Variants in IL1RL1 observed in about 807,000 individuals in gnomAD.
IL1RL1 encodes the protein interleukin 1 receptor like 1.
IL1RL1 carries 32 observed loss-of-function variants against 50.9 expected under a neutral mutation model. That is an observed-to-expected ratio of 0.63 (90% CI 0.47 to 0.84). The LOEUF is 0.84. Among genes scored for constraint, IL1RL1 ranks in the 40% least tolerant of loss-of-function variants. IL1RL1 has a pLI of 0.00. For synonymous variants in IL1RL1, 275 were observed against 236.0 expected (o/e 1.17, Z -1.51); for missense variants, 773 against 662.9 (o/e 1.17, Z -1.82).
intron 8 of IL1RL1, chr2:102,345,048 A>G (rs1223614856): frequency 1.1e-6 from 1 of 944,478 alleles, no homozygotes; most frequent in East Asian, 1.2e-4. Context: ...ACAAATAGCC[A>G]AAGCAGGGTG....
At chr2:102,352,289 C>A (rs746105135), downstream of IL1RL1, among the ~76,000 whole-genome samples, 1 of 147,980 alleles carries the variant, frequency 6.8e-6, no homozygotes, top group Non-Finnish European at 1.5e-5. Flanking sequence ...AGTAGATTTT[C>A]ACGTCACTTG....
At chr2:102,327,139 A>G (rs1384738525) in intron 1 of IL1RL1, among the ~76,000 whole-genome samples, 1 of 152,246 alleles carries the variant, frequency 6.6e-6, no homozygotes, top group African/African-American at 2.4e-5. Flanking sequence ...AAGAACAGAA[A>G]TTATAACAAA....
intron 1 of IL1RL1, among the ~76,000 whole-genome samples, chr2:102,324,224 C>G (rs1676925003): frequency 6.6e-6 from 1 of 152,122 alleles, no homozygotes; most frequent in Non-Finnish European, 1.5e-5. Flanking sequence ...GTAACACAAG[C>G]ACATAATCAG....
At position 102,340,192 on chromosome 2, in the gene IL1RL1, T is replaced by G. The variant is rs371207219; in HGVS notation, c.367T>G (p.Ser123Ala). 5 of 1,605,020 alleles carry G rather than the reference T, an allele frequency of 3.1e-6. No homozygotes were observed. Among genetic ancestry groups the G allele is most frequent in the Non-Finnish European group, 4.2e-6 (5 of 1,176,846 alleles). The stretch of plus-strand genomic sequence containing the variant: ...AGATTATTTGATGTATTCAACAGTA[T>G]CTGGATCAGAAAAAAATTCCAAAAT... ...VPDYLMYSTV[S>A]GSEKNSKIYC... The change falls in exon 4 of 11, where the codon TCT becomes GCT. Residue 123 changes from serine (S) to alanine (A), a missense_variant. Physicochemically the swap from Ser to Ala is moderately conservative, Grantham distance 99. Transcript: ENST00000233954.
chr2:102,322,975 G>A (rs1280932017), intron 1 of IL1RL1, among the ~76,000 whole-genome samples: 1 of 151,932 alleles, frequency 6.6e-6, no homozygotes, highest in Non-Finnish European at 1.5e-5. Context: ...GTTTGGAAAT[G>A]AACTCAGAGT....
At chr2:102,339,856 T>C (rs1286700029) in intron 3 of IL1RL1, among the ~76,000 whole-genome samples, 1 of 152,160 alleles carries the variant, frequency 6.6e-6, no homozygotes, top group East Asian at 1.9e-4. Flanking sequence ...GCAGATGTAG[T>C]GTATGAATAA....
At chr2:102,319,073 G>C (rs370630165) in intron 1 of IL1RL1, among the ~76,000 whole-genome samples, 3 of 152,084 alleles carry the variant, frequency 2.0e-5, no homozygotes, top group Non-Finnish European at 4.4e-5. Flanking sequence ...AACTCAGCAG[G>C]CTATATCTTC....
At chr2:102,342,419 T>C (rs190795325) in intron 6 of IL1RL1, 125 bp downstream of exon 6, 26 of 650,496 alleles carry the variant, frequency 4.0e-5, no homozygotes, top group Admixed American at 1.3e-4. Flanking sequence ...GTAAGTGAGG[T>C]GACATCCCTG....
chr2:102,345,728 T>C (rs1677760599), intron 8 of IL1RL1: 1 of 985,296 alleles, frequency 1.0e-6, no homozygotes, highest in South Asian at 4.7e-5. Flanking sequence ...CTCATGTAGA[T>C]GGCTATAAGT....
At chr2:102,315,689 T>C (rs1676655525) in intron 1 of IL1RL1, among the ~76,000 whole-genome samples, 2 of 152,232 alleles carry the variant, frequency 1.3e-5, no homozygotes, top group South Asian at 4.1e-4. Context: ...AGCTGCTTTG[T>C]GCACCCTGAC....
chr2:102,349,936 A>G (rs1032475411), intron 10 of IL1RL1, among the ~76,000 whole-genome samples: 1 of 152,184 alleles, frequency 6.6e-6, no homozygotes, highest in African/African-American at 2.4e-5. Flanking sequence ...TCAAGGGCCT[A>G]AGCATAATAA....
chr2:102,323,696 C>A (rs956252107), intron 1 of IL1RL1, among the ~76,000 whole-genome samples: 71 of 152,204 alleles, frequency 4.7e-4, no homozygotes, highest in African/African-American at 1.6e-3. Context: ...TTAATCTATT[C>A]ATGAGGGATC....
At chr2:102,314,116 T>C (rs74356893) in intron 1 of IL1RL1, among the ~76,000 whole-genome samples, 2 of 151,354 alleles carry the variant, frequency 1.3e-5, no homozygotes, top group East Asian at 3.9e-4. Flanking sequence ...GTCTGGGATG[T>C]ATTTGTCCTT....
At chr2:102,349,275 G>A in intron 10 of IL1RL1, 29 bp downstream of exon 10, 1 of 1,593,574 alleles carries the variant, frequency 6.3e-7, no homozygotes, top group Non-Finnish European at 8.6e-7. Flanking sequence ...ATTAGGGACA[G>A]AAATTCATGC....
At chr2:102,311,964 A>ATGT (rs1316800332) in intron 1 of IL1RL1, among the ~76,000 whole-genome samples, 7 of 32,858 alleles carry the variant, frequency 2.1e-4, no homozygotes, top group South Asian at 5.9e-4. Context: ...TATATATTAT[A>ATGT]TATAATATTA....
At chr2:102,334,506 G>A (rs1677257419) in intron 1 of IL1RL1, among the ~76,000 whole-genome samples, 1 of 152,012 alleles carries the variant, frequency 6.6e-6, no homozygotes, top group African/African-American at 2.4e-5. Flanking sequence ...CCCATCCACT[G>A]CAGGTCCTGA....
At chr2:102,352,047 C>A (rs370121745), downstream of IL1RL1, 4 of 1,005,296 alleles carry the variant, frequency 4.0e-6, no homozygotes, top group East Asian at 4.9e-5. Context: ...CAGGTTTCAT[C>A]TGGTAACTTT....
intron 1 of IL1RL1, among the ~76,000 whole-genome samples, chr2:102,321,519 A>C (rs1185546384): frequency 6.6e-6 from 1 of 152,142 alleles, no homozygotes; most frequent in South Asian, 2.1e-4. Context: ...GCCATGTTAG[A>C]TGTTAGAACA....
At chr2:102,351,389 C>T (rs1465292879) in intron 10 of IL1RL1, 147 bp from the exon 11 acceptor site, 3 of 693,014 alleles carry the variant, frequency 4.3e-6, no homozygotes, top group Non-Finnish European at 7.1e-6. Context: ...GTTCTCTATC[C>T]ACACATACTT....
Sources: gnomAD v4.1 joint callset for allele counts (sites outside exome capture counted in the v4.1 genomes callset) on GRCh38, gnomAD v4.1.1 for gene constraint, MANE v1.5 for transcripts, NCBI Gene and HGNC (gene_info 2026-07-23, HGNC 2026-07-21) for gene names.